Variants in ZNF474 observed in about 807,000 individuals in gnomAD.
The protein encoded by ZNF474 is 4933409D10Rik.
For missense variants in ZNF474, 511 were observed against 433.8 expected (o/e 1.18, Z -1.58); for synonymous variants, 192 against 162.2 (o/e 1.18, Z -1.39).
At chr5:122,135,675 A>G (rs1415546528) in intron 1 of ZNF474, among the ~76,000 whole-genome samples, 1 of 152,182 alleles carries the variant, frequency 6.6e-6, no homozygotes, top group Non-Finnish European at 1.5e-5. Context: ...AGTATGCCAA[A>G]GAGATATCTG....
At chr5:122,146,302 C>T (rs1755987484) in intron 1 of ZNF474, among the ~76,000 whole-genome samples, 1 of 152,010 alleles carries the variant, frequency 6.6e-6, no homozygotes, top group Non-Finnish European at 1.5e-5. Context: ...CACAATTTTG[C>T]TATCTGCTAG....
chr5:122,133,620 C>G (rs1053973087), intron 1 of ZNF474, among the ~76,000 whole-genome samples: 4 of 152,156 alleles, frequency 2.6e-5, no homozygotes, highest in African/African-American at 4.8e-5. Context: ...AGTGCAGCAG[C>G]ACAATCACAG....
intron 1 of ZNF474, among the ~76,000 whole-genome samples, chr5:122,148,829 C>T (rs779084121): frequency 6.6e-6 from 1 of 151,876 alleles, no homozygotes; most frequent in Non-Finnish European, 1.5e-5. Context: ...CTCTGCCTCC[C>T]GGATTCAAGC....
rs752333557 is a variant in ZNF474 at position 122,152,455 on chromosome 5, G to A, written c.465G>A (p.Glu155=). The change falls in exon 2 of 2, where the codon GAG becomes GAA. Residue 155 remains glutamate, a synonymous_variant. Transcript: ENST00000296600. ...SGSYSLQATN[E]AAFQSAQAQL... ...CCTACAGTCTTCAGGCAACTAACGA[G>A]GCTGCATTTCAGAGTGCCCAGGCTC... The A allele has an allele frequency of 1.8e-5, 29 of 1,614,172 alleles. No homozygotes were observed. Among genetic ancestry groups the A allele is most frequent in the Non-Finnish European group, 2.5e-5 (29 of 1,180,030 alleles).
At chr5:122,130,919 A>G (rs1005387025) in intron 1 of ZNF474, among the ~76,000 whole-genome samples, 4 of 152,120 alleles carry the variant, frequency 2.6e-5, no homozygotes, top group African/African-American at 9.7e-5. Context: ...CTTAATTATA[A>G]TCACAATGCT....
At chr5:122,131,470 T>C (rs944583483) in intron 1 of ZNF474, among the ~76,000 whole-genome samples, 8 of 152,098 alleles carry the variant, frequency 5.3e-5, no homozygotes, top group Non-Finnish European at 1.0e-4. Context: ...AGAATATTAT[T>C]GAACCTTAAA....
Position 122,153,066 on chromosome 5 carries a change from G to T in ZNF474, c.1076G>T (p.Gly359Val), listed in dbSNP as rs751343083. ...ACACAAGACGCATTAGGTGAACCTG[G>T]TGGTGCCCTCTGCCTGTAGGGGAAC... ...HATQDALGEP[G>V]GALCL Residue 359 changes from glycine to valine, a missense_variant, in exon 2 of 2, where the codon GGT (glycine) becomes GTT (valine). Gly to Val is a moderately radical substitution (Grantham distance 109). Coordinates refer to ENST00000296600, the MANE Select transcript of ZNF474 (RefSeq NM_207317.3). 3.7e-6 allele frequency: 6 copies of T among 1,611,604 alleles called. No homozygotes were observed. The highest frequency in any genetic ancestry group is 5.1e-6 in the Non-Finnish European group (6 of 1,178,152).
At chr5:122,135,963 G>C (rs1168332932) in intron 1 of ZNF474, among the ~76,000 whole-genome samples, 1 of 152,084 alleles carries the variant, frequency 6.6e-6, no homozygotes, top group Non-Finnish European at 1.5e-5. Flanking sequence ...TTGAGATAGA[G>C]AGTAAAATGA....
rs138378080 is a variant in ZNF474 at position 122,133,300 on chromosome 5, A to T, written c.-213+3617A>T. Among the ~76,000 whole-genome samples, 318 of 152,320 alleles carry T rather than the reference A, an allele frequency of 2.1e-3. 2 individuals are homozygous for T. Among genetic ancestry groups the T allele is most frequent in the African/African-American group, 7.3e-3 (304 of 41,586 alleles). On this transcript the variant is annotated intron_variant, in intron 1 of 1. Transcript: ENST00000296600. ...TCTGCAAGAAAACATTATTTATAAC[A>T]TCAGCTCTGTTTCCTGTTTAACAGT...
intron 1 of ZNF474, among the ~76,000 whole-genome samples, chr5:122,138,200 G>A (rs1755753780): frequency 6.6e-6 from 1 of 152,170 alleles, no homozygotes; most frequent in Admixed American, 6.5e-5. Flanking sequence ...TGATAGAATA[G>A]GATAAGATGT....
Position 122,151,826 on chromosome 5 carries a change from C to A in ZNF474, c.-165C>A. On this transcript the variant is annotated 5_prime_UTR_variant, in exon 2 of 2. In the 5' UTR this introduces an upstream ATG that the reference lacks. Coordinates refer to ENST00000296600, the MANE Select transcript of ZNF474 (RefSeq NM_207317.3). ...AATGAGGACTTTCCAACATTCCAGA[C>A]TGCCGTCCTGCAATGAAGCTCTGAG... The A allele has an allele frequency of 1.3e-6, 1 of 772,964 alleles. No homozygotes were observed. Among genetic ancestry groups the A allele is most frequent in the Non-Finnish European group, 2.0e-6 (1 of 495,272 alleles). 47.9% of individuals were successfully genotyped at this position (772,964 alleles called of 1,614,324 possible).
In ZNF474 at chr5:122,153,247, C is replaced by A; in HGVS notation, c.*162C>A. ...CTGAATAGATATAAGAACATCCTTG[C>A]CTGATGGGTTCATATTCCTCTTCAA... On this transcript the variant is annotated 3_prime_UTR_variant, in exon 2 of 2. Transcript: ENST00000296600. 2.5e-6 allele frequency: 2 copies of A among 813,968 alleles called. No homozygotes were observed. The highest frequency in any genetic ancestry group is 3.7e-6 in the Non-Finnish European group (2 of 534,754). The allele number at this position is 813,968 out of a possible 1,614,324, so 50.4% of individuals were successfully genotyped here.
intron 1 of ZNF474, among the ~76,000 whole-genome samples, chr5:122,136,486 G>A (rs1755705140): frequency 6.6e-6 from 1 of 152,124 alleles, no homozygotes. Context: ...CTGCTCGTAT[G>A]GCTACCTTTG....
chr5:122,151,333 G>A (rs1756163696), intron 1 of ZNF474, among the ~76,000 whole-genome samples: 1 of 152,180 alleles, frequency 6.6e-6, no homozygotes, highest in Non-Finnish European at 1.5e-5. Context: ...TCACTAACAA[G>A]TTAAGGATCT....
At chr5:122,141,110 A>ATTTTC (rs1307526735) in intron 1 of ZNF474, among the ~76,000 whole-genome samples, 1 of 23,390 alleles carries the variant, frequency 4.3e-5, no homozygotes, top group African/African-American at 8.9e-5. Flanking sequence ...ATTTTATTTT[A>ATTTTC]TTTTATTTTA....
intron 1 of ZNF474, among the ~76,000 whole-genome samples, chr5:122,141,055 C>G (rs745564677): frequency 1.6e-4 from 24 of 151,328 alleles, no homozygotes; most frequent in African/African-American, 2.9e-4. Flanking sequence ...GGAAATGACA[C>G]CACAAAATGG....
chr5:122,135,566 C>G (rs1233660790), intron 1 of ZNF474, among the ~76,000 whole-genome samples: 2 of 152,132 alleles, frequency 1.3e-5, no homozygotes, highest in African/African-American at 4.8e-5. Flanking sequence ...AGTACAGCCA[C>G]TATGAACAGT....
intron 1 of ZNF474, among the ~76,000 whole-genome samples, chr5:122,140,573 G>C (rs1369957332): frequency 6.6e-6 from 1 of 152,082 alleles, no homozygotes; most frequent in Non-Finnish European, 1.5e-5. Context: ...AAAGATCATA[G>C]TATGATAAAA....
intron 1 of ZNF474, among the ~76,000 whole-genome samples, chr5:122,141,298 C>CTTTTTTTTT (rs1755838890): frequency 9.8e-6 from 1 of 102,198 alleles, no homozygotes; most frequent in African/African-American, 4.3e-5. Flanking sequence ...TTACCCCTGG[C>CTTTTTTTTT]TATTTTTTTT....
Sources: allele counts gnomAD v4.1 joint callset (sites outside exome capture counted in the v4.1 genomes callset), GRCh38; gene constraint gnomAD v4.1.1; transcripts MANE v1.5; gene names NCBI Gene and HGNC (gene_info 2026-07-23, HGNC 2026-07-21).